TSPEAR: variants seen among roughly 807,000 people sequenced by gnomAD.
The protein encoded by TSPEAR is thrombospondin-type laminin G domain and EAR repeat-containing protein.
A neutral mutation model predicts 71.6 loss-of-function variants in TSPEAR; 69 were observed. That is an observed-to-expected ratio of 0.96 (90% CI 0.79 to 1.18). TSPEAR has a LOEUF of 1.18. Ranked by LOEUF, TSPEAR falls within the 50% of genes most tolerant of loss-of-function variation. TSPEAR has a pLI of 0.00. For synonymous variants in TSPEAR, 402 were observed against 387.2 expected, an observed-to-expected ratio of 1.04 and a Z score of -0.45; for missense variants, 971 against 894.9, an observed-to-expected ratio of 1.09 and a Z score of -1.09.
chr21:44,558,485 G>C (rs1555920370), intron 2 of TSPEAR: 11 of 1,614,016 alleles, frequency 6.8e-6, no homozygotes, highest in African/African-American at 4.0e-5. Flanking sequence ...GGCAGCACGA[G>C]GGCGTGCAGG....
intron 3 of TSPEAR, among the ~76,000 whole-genome samples, chr21:44,533,222 C>G (rs1277512917): frequency 6.6e-6 from 1 of 152,236 alleles, no homozygotes. Context: ...GCCCATTCCC[C>G]TTCCAGCCCG....
intron 1 of TSPEAR, among the ~76,000 whole-genome samples, chr21:44,584,288 C>T (rs142968640): frequency 3.2e-4 from 49 of 152,286 alleles, no homozygotes; most frequent in Admixed American, 9.2e-4. Flanking sequence ...ATGGCTGAAT[C>T]GTATTCCATC....
chr21:44,540,420 T>C (rs1031802134), intron 2 of TSPEAR, among the ~76,000 whole-genome samples: 8 of 152,078 alleles, frequency 5.3e-5, no homozygotes, highest in Non-Finnish European at 4.4e-5. Context: ...GCCTGTCCCA[T>C]GTGGATCCCT....
rs200727700 is a variant in TSPEAR at position 44,574,839 on chromosome 21, G to A, written c.83-6834C>T. On this transcript the variant is annotated intron_variant, in intron 1 of 11. Coordinates refer to ENST00000323084, the MANE Select transcript of TSPEAR (RefSeq NM_144991.3). ...CTCCTGCTGCAGACCCTCCTCCTCC[G>A]TGTCCCTCCTCTGCCGCCCCGTGTG... The A allele has an allele frequency of 1.3e-5, 21 of 1,613,704 alleles. No homozygotes were observed. Among genetic ancestry groups the A allele is most frequent in the African/African-American group, 4.0e-5 (3 of 74,878 alleles).
At chr21:44,569,239 C>T (rs1441115494) in intron 1 of TSPEAR, among the ~76,000 whole-genome samples, 1 of 152,212 alleles carries the variant, frequency 6.6e-6, no homozygotes, top group Admixed American at 6.5e-5. Context: ...TCCTGGTCCG[C>T]ACACGCGCAC....
rs180738337 is a variant in TSPEAR, at chr21:44,508,676, A to G, written c.1754+523T>C. The G allele has an allele frequency of 7.3e-5, 88 of 1,202,138 alleles. 1 individual carries two copies. In the African/African-American group the frequency reaches 1.3e-3, roughly 18 times the overall value. The allele number at this position is 1,202,138 out of a possible 1,614,324, so 74.5% of individuals were successfully genotyped here. ...CGGTCTGGAACCATCACTTTCTCGT[A>G]CATACAGACCCACCCTCCATGTTCC... is the stretch of plus-strand genomic sequence containing the variant. On this transcript the variant is annotated intron_variant, in intron 10 of 11. Transcript: ENST00000323084.
At chr21:44,691,274 G>A (rs1376252147) in intron 1 of TSPEAR, among the ~76,000 whole-genome samples, 3 of 152,206 alleles carry the variant, frequency 2.0e-5, no homozygotes, top group African/African-American at 4.8e-5. Context: ...GAACAGAGCT[G>A]ATAGCAAAGA....
chr21:44,697,288 G>A (rs782020846), intron 1 of TSPEAR: 1 of 1,613,952 alleles, frequency 6.2e-7, no homozygotes, highest in African/African-American at 1.3e-5. Flanking sequence ...CCTGGCAGGT[G>A]GACGACTGCC....
At chr21:44,614,815 G>A (rs1196330856) in intron 1 of TSPEAR, among the ~76,000 whole-genome samples, 2 of 152,160 alleles carry the variant, frequency 1.3e-5, no homozygotes, top group Non-Finnish European at 2.9e-5. Context: ...GAAGACACTC[G>A]ACCGAGAAGA....
intron 1 of TSPEAR, chr21:44,601,199 C>T: frequency 6.2e-7 from 1 of 1,602,030 alleles, no homozygotes; most frequent in Non-Finnish European, 8.5e-7. Context: ...GTCTGTGAGC[C>T]CAGCCCCTGC....
chr21:44,615,951 G>A (rs1982065039), intron 1 of TSPEAR, among the ~76,000 whole-genome samples: 1 of 152,236 alleles, frequency 6.6e-6, no homozygotes, highest in African/African-American at 2.4e-5. Flanking sequence ...TTCAGGCGGG[G>A]CCGCCAGGGA....
rs184868489 is a variant in TSPEAR at position 44,560,817 on chromosome 21, G to C, written c.303+6968C>G. Among the ~76,000 whole-genome samples the C allele has an allele frequency of 2.6e-5, 4 of 152,210 alleles. No individual in the cohort carries two copies. The East Asian group carries it at 5.8e-4, about 22-fold the overall frequency. On this transcript the variant is annotated intron_variant, in intron 2 of 11. Coordinates refer to ENST00000323084, the MANE Select transcript of TSPEAR (RefSeq NM_144991.3). ...AAGAGACAATGTCCCAGAATCTCTG[G>C]AACACAGCTAAAGCAGTGTTAACAG...
chr21:44,688,578 G>T (rs1327622579), intron 1 of TSPEAR, among the ~76,000 whole-genome samples: 1 of 152,120 alleles, frequency 6.6e-6, no homozygotes. Context: ...AAATCAGCCG[G>T]GTATGGTGGC....
At chr21:44,503,483 A>G (rs1194936296) in intron 11 of TSPEAR, among the ~76,000 whole-genome samples, 2 of 137,698 alleles carry the variant, frequency 1.5e-5, no homozygotes, top group Non-Finnish European at 3.1e-5. Flanking sequence ...CTCGGGGGGA[A>G]GAAAGGCTCT....
intron 1 of TSPEAR, among the ~76,000 whole-genome samples, chr21:44,577,109 A>G (rs1361690011): frequency 1.3e-5 from 2 of 152,250 alleles, no homozygotes; most frequent in African/African-American, 4.8e-5. Context: ...AAATCACCCC[A>G]TATCAATACT....
rs587723727 is a variant in TSPEAR, at chr21:44,590,803, C to T, written c.83-22798G>A. On this transcript the variant is annotated intron_variant, in intron 1 of 11. Coordinates refer to ENST00000323084, the MANE Select transcript of TSPEAR (RefSeq NM_144991.3). ...TGCCAGGGTCCACTTTGTCCCGAAA[C>T]TCCTGGCCTTGGTTCCAGAGGCAGC... Among the ~76,000 whole-genome samples the T allele has an allele frequency of 5.1e-3, 773 of 152,120 alleles. 4 individuals carry two copies. The highest frequency in any genetic ancestry group is 0.018 in the African/African-American group (725 of 41,408).
chr21:44,557,831 T>C (rs2053558575), intron 2 of TSPEAR: 1 of 609,686 alleles, frequency 1.6e-6, no homozygotes, highest in East Asian at 2.8e-5. Context: ...GACTGATCAC[T>C]CACATGGGGC....
intron 1 of TSPEAR, chr21:44,638,199 C>T: frequency 6.3e-7 from 1 of 1,583,684 alleles, no homozygotes; most frequent in South Asian, 1.2e-5. Context: ...TCCGGAGTCC[C>T]TTCCCACCAG....
intron 9 of TSPEAR, among the ~76,000 whole-genome samples, chr21:44,510,192 G>C (rs587602071): frequency 2.6e-4 from 40 of 152,308 alleles, no homozygotes; most frequent in African/African-American, 9.1e-4. Context: ...TGGGGATAAG[G>C]GTGGTGGGGC....
Sources: gnomAD v4.1 joint callset for allele counts (sites outside exome capture counted in the v4.1 genomes callset) on GRCh38, gnomAD v4.1.1 for gene constraint, MANE v1.5 for transcripts, NCBI Gene and HGNC (gene_info 2026-07-23, HGNC 2026-07-21) for gene names.